Variants in CCSER1 observed in about 807,000 individuals in gnomAD.
The protein encoded by CCSER1 is serine-rich coiled-coil domain-containing protein 1.
CCSER1 carries 41 observed loss-of-function variants against 82.0 expected under a neutral mutation model. The observed-to-expected ratio is 0.50, with a 90% CI of 0.39 to 0.65. The LOEUF is 0.65. Ranked by LOEUF, CCSER1 falls within the 30% of genes least tolerant of loss-of-function variation. The pLI is 0.00. For synonymous variants in CCSER1, 414 were observed against 383.9 expected, an observed-to-expected ratio of 1.08 and a Z score of -0.92; for missense variants, 1,119 against 1,064.2, an observed-to-expected ratio of 1.05 and a Z score of -0.72.
At chr4:90,664,675 T>C (rs1295259632) in intron 6 of CCSER1, among the ~76,000 whole-genome samples, 2 of 152,046 alleles carry the variant, frequency 1.3e-5, no homozygotes, top group Non-Finnish European at 2.9e-5. Flanking sequence ...CCAAGGCGGG[T>C]GGATCACCTG....
intron 9 of CCSER1, among the ~76,000 whole-genome samples, chr4:90,985,514 A>C (rs1736508766): frequency 6.6e-6 from 1 of 151,814 alleles, no homozygotes; most frequent in African/African-American, 2.4e-5. Context: ...GTCTGTCTTC[A>C]ACACCAATAT....
intron 10 of CCSER1, among the ~76,000 whole-genome samples, chr4:91,193,393 A>C (rs1424290738): frequency 2.6e-5 from 4 of 152,218 alleles, no homozygotes. Flanking sequence ...TATTGTGAAC[A>C]TCATAAAGGC....
chr4:91,455,762 A>G (rs890396709), intron 10 of CCSER1, among the ~76,000 whole-genome samples: 5 of 152,056 alleles, frequency 3.3e-5, no homozygotes, highest in East Asian at 1.9e-4. Context: ...TTTGGAAGCA[A>G]TTGGATTGGG....
At chr4:91,370,695 CA>C (rs774696306) in intron 10 of CCSER1, among the ~76,000 whole-genome samples, 5,423 of 132,542 alleles carry the variant, frequency 0.041, 139 homozygotes, top group Middle Eastern at 0.068. Context: ...GACTCTGTCT[CA>C]AAAAAAAAAA....
chr4:90,432,694 A>G (rs1758456702), intron 4 of CCSER1, among the ~76,000 whole-genome samples: 1 of 151,588 alleles, frequency 6.6e-6, no homozygotes, highest in South Asian at 2.1e-4. Flanking sequence ...CAATCAATCA[A>G]TCCTCCCCAC....
chr4:90,472,762 C>T (rs1163991231), intron 5 of CCSER1, among the ~76,000 whole-genome samples: 1 of 151,992 alleles, frequency 6.6e-6, no homozygotes, highest in Non-Finnish European at 1.5e-5. Context: ...GCATAGAATG[C>T]TGGGGTCAAA....
At chr4:90,556,784 C>A (rs944357110) in intron 5 of CCSER1, among the ~76,000 whole-genome samples, 1 of 151,084 alleles carries the variant, frequency 6.6e-6, no homozygotes, top group Non-Finnish European at 1.5e-5. Flanking sequence ...TCAGGGGTGG[C>A]AGAGACATAT....
At chr4:91,160,513 C>G (rs1227974720) in intron 10 of CCSER1, among the ~76,000 whole-genome samples, 2 of 152,226 alleles carry the variant, frequency 1.3e-5, no homozygotes, top group Non-Finnish European at 2.9e-5. Context: ...GTCCCACCAA[C>G]AGTGCAAAAG....
intron 9 of CCSER1, among the ~76,000 whole-genome samples, chr4:91,069,537 G>A (rs575000829): frequency 2.0e-5 from 3 of 151,952 alleles, no homozygotes; most frequent in Non-Finnish European, 4.4e-5. Context: ...TAAGTACTGG[G>A]GATATAAAGT....
At chr4:91,464,327 C>T (rs1175185496) in intron 10 of CCSER1, among the ~76,000 whole-genome samples, 1 of 152,138 alleles carries the variant, frequency 6.6e-6, no homozygotes, top group Non-Finnish European at 1.5e-5. Flanking sequence ...ACCAAAAGGC[C>T]TGCCCTACAA....
At chr4:90,931,522 C>G (rs1444753744) in intron 9 of CCSER1, among the ~76,000 whole-genome samples, 1 of 152,100 alleles carries the variant, frequency 6.6e-6, no homozygotes, top group Non-Finnish European at 1.5e-5. Flanking sequence ...AACCCATATA[C>G]CTTCTAATGA....
chr4:91,176,007 G>A (rs1367456136), intron 10 of CCSER1, among the ~76,000 whole-genome samples: 1 of 152,188 alleles, frequency 6.6e-6, no homozygotes. Flanking sequence ...TGTTTAAGGT[G>A]TAAGGAAGGG....
At chr4:90,847,678 A>C (rs1561241096) in intron 8 of CCSER1, among the ~76,000 whole-genome samples, 1 of 152,196 alleles carries the variant, frequency 6.6e-6, no homozygotes, top group East Asian at 1.9e-4. Flanking sequence ...AAAAAACAAG[A>C]GAAAAAAAGG....
rs555167709 is a variant in CCSER1, at chr4:90,623,338, T to G, written c.1725-4687T>G. On this transcript the variant is annotated intron_variant, in intron 5 of 10. Coordinates refer to ENST00000509176, the MANE Select transcript of CCSER1 (RefSeq NM_001145065.2). ...CGTGAGCCACTGTGCCCGGCCAGGA[T>G]GGCAGGATTTTTTTTTTATGGAGAT... is the stretch of plus-strand genomic sequence containing the variant. Among the ~76,000 whole-genome samples, 5 of 139,686 alleles carry G rather than the reference T, an allele frequency of 3.6e-5. No homozygotes were observed. The East Asian group carries it at 9.0e-4, about 25-fold the overall frequency. 91.6% of individuals were successfully genotyped at this position (139,686 alleles called of 152,430 possible).
rs561344603 is a variant in CCSER1 at position 91,013,083 on chromosome 4, A to G, written c.2173-72867A>G. Reference sequence around the variant, plus strand: ...CTCTTCTTTAGTTATTTTTATTAAAACATAGCTGTTTATTCATTGTTTTGA... The same window carrying G: ...CTCTTCTTTAGTTATTTTTATTAAAGCATAGCTGTTTATTCATTGTTTTGA... On this transcript the variant is annotated intron_variant, in intron 9 of 10. Coordinates refer to ENST00000509176, the MANE Select transcript of CCSER1 (RefSeq NM_001145065.2). Among the ~76,000 whole-genome samples, 2 of 134,954 alleles carry G rather than the reference A, an allele frequency of 1.5e-5. 1 individual carries two copies. Among genetic ancestry groups the G allele is most frequent in the Admixed American group, 1.5e-4 (2 of 13,688 alleles). 88.5% of individuals were successfully genotyped at this position (134,954 alleles called of 152,430 possible).
intron 10 of CCSER1, among the ~76,000 whole-genome samples, chr4:91,557,755 C>T (rs1171315986): frequency 6.6e-6 from 1 of 151,160 alleles, no homozygotes; most frequent in Non-Finnish European, 1.5e-5. Context: ...CAAGGAGTTG[C>T]AAGTAATATG....
At chr4:91,301,249 C>G (rs1249209365) in intron 10 of CCSER1, among the ~76,000 whole-genome samples, 1 of 151,720 alleles carries the variant, frequency 6.6e-6, no homozygotes, top group Non-Finnish European at 1.5e-5. Flanking sequence ...TTTATATAAA[C>G]AGTATGTGTA....
chr4:91,253,859 T>C (rs1436097593), intron 10 of CCSER1, among the ~76,000 whole-genome samples: 1 of 150,294 alleles, frequency 6.7e-6, no homozygotes, highest in African/African-American at 2.5e-5. Context: ...AAGAGAGGAG[T>C]GGGGGGAGGT....
At chr4:91,374,475 T>A (rs116598291) in intron 10 of CCSER1, among the ~76,000 whole-genome samples, 17 of 152,338 alleles carry the variant, frequency 1.1e-4, no homozygotes, top group South Asian at 6.2e-4. Flanking sequence ...ACAGCACTGC[T>A]GTTTACAACA....
Sources: gnomAD v4.1 joint callset for allele counts (sites outside exome capture counted in the v4.1 genomes callset) on GRCh38, gnomAD v4.1.1 for gene constraint, MANE v1.5 for transcripts, NCBI Gene and HGNC (gene_info 2026-07-23, HGNC 2026-07-21) for gene names.